Variants in TPO observed in about 807,000 individuals in gnomAD.
TPO encodes the protein thyroid microsomal antigen.
A neutral mutation model predicts 96.9 loss-of-function variants in TPO; 78 were observed. The ratio of observed to expected loss-of-function variants is 0.81; its 90% CI spans 0.67 to 0.97. The LOEUF is 0.97. Among genes scored for constraint, TPO ranks in the 50% least tolerant of loss-of-function variants. The pLI, the probability that TPO is intolerant of heterozygous loss-of-function variation, is 0.00. For synonymous variants in TPO, 547 were observed against 538.0 expected, an observed-to-expected ratio of 1.02 and a Z score of -0.23; for missense variants, 1,252 against 1,274.8, an observed-to-expected ratio of 0.98 and a Z score of 0.27.
intron 16 of TPO, 100 bp downstream of exon 16, chr2:1,540,823 T>C (rs1421050754): frequency 1.0e-5 from 16 of 1,599,250 alleles, no homozygotes; most frequent in African/African-American, 2.7e-5. Flanking sequence ...CATATTTCTG[T>C]TTACTCCGTG....
chr2:1,516,274 C>T (rs1386405738), intron 14 of TPO, among the ~76,000 whole-genome samples: 2 of 152,188 alleles, frequency 1.3e-5, no homozygotes, highest in African/African-American at 2.4e-5. Context: ...CAACCTTGTT[C>T]GGTTTCTTTC....
At chr2:1,376,982 A>G (rs1022247244) in intron 1 of TPO, among the ~76,000 whole-genome samples, 2 of 152,190 alleles carry the variant, frequency 1.3e-5, no homozygotes, top group African/African-American at 4.8e-5. Flanking sequence ...ATATTTGGCA[A>G]AGACAAAATA....
intron 16 of TPO, chr2:1,541,442 C>T (rs551930454): frequency 3.5e-4 from 56 of 159,154 alleles, no homozygotes; most frequent in Middle Eastern, 6.7e-3. Flanking sequence ...ACTGCAGCTT[C>T]GACCCTCCTG....
chr2:1,375,285 G>A (rs568761490), intron 1 of TPO, among the ~76,000 whole-genome samples: 17 of 152,178 alleles, frequency 1.1e-4, no homozygotes, highest in African/African-American at 2.4e-4. Flanking sequence ...CACCTTGGTC[G>A]TGAAAGGGAG....
At chr2:1,457,473 T>C (rs28378083) in intron 7 of TPO, among the ~76,000 whole-genome samples, 4,837 of 12,240 alleles carry the variant, frequency 0.4, 1,711 homozygotes, top group South Asian at 0.73. Context: ...ATATAGCATG[T>C]ATGATCGTGT....
intron 1 of TPO, among the ~76,000 whole-genome samples, chr2:1,385,025 C>T (rs1317357470): frequency 3.3e-5 from 5 of 152,156 alleles, no homozygotes; most frequent in Admixed American, 6.5e-5. Flanking sequence ...TATTGATTTG[C>T]GTATGTTGAA....
rs192764250 is a variant in TPO, at chr2:1,443,642, G to A, written c.482+7258G>A. ...TGTTGGAAGGGAACGGGGCAGGCTC[G>A]TTCTTGTTTGTATGATCCAGTCACT... is the stretch of plus-strand genomic sequence containing the variant. On this transcript the variant is annotated intron_variant, in intron 5 of 16. Coordinates refer to ENST00000329066, the MANE Select transcript of TPO (RefSeq NM_001206744.2). Among the ~76,000 whole-genome samples the A allele has an allele frequency of 1.4e-3, 154 of 108,138 alleles. 4 individuals are homozygous for A. Among genetic ancestry groups the A allele is most frequent in the African/African-American group, 5.4e-3 (145 of 27,012 alleles). The allele number at this position is 108,138 out of a possible 152,430, so 70.9% of individuals were successfully genotyped here.
chr2:1,531,931 AC>A (rs1678354912), intron 15 of TPO, among the ~76,000 whole-genome samples: 1 of 59,166 alleles, frequency 1.7e-5, no homozygotes. Flanking sequence ...ACTGTGTGCA[AC>A]CTCCTCAAAT....
intron 5 of TPO, among the ~76,000 whole-genome samples, chr2:1,443,268 G>A (rs57927525): frequency 0.3 from 44,104 of 149,330 alleles, 5,884 homozygotes; most frequent in Admixed American, 0.34. Context: ...TCCAGTCATT[G>A]CTGCAGGAGG....
At chr2:1,528,557 G>T (rs1323740570) in intron 15 of TPO, among the ~76,000 whole-genome samples, 1 of 137,074 alleles carries the variant, frequency 7.3e-6, no homozygotes, top group Non-Finnish European at 1.5e-5. Flanking sequence ...CCCACTCTTT[G>T]CAAACTCCCC....
chr2:1,436,111 G>T, intron 4 of TPO, 141 bp from the exon 5 acceptor site: 1 of 1,296,720 alleles, frequency 7.7e-7, no homozygotes, highest in Non-Finnish European at 1.1e-6. Flanking sequence ...GGAGAAGGCA[G>T]ATTTTCTCAA....
At chr2:1,400,143 G>C (rs1390111517) in intron 1 of TPO, among the ~76,000 whole-genome samples, 3 of 152,110 alleles carry the variant, frequency 2.0e-5, no homozygotes, top group Non-Finnish European at 4.4e-5. Context: ...CAAAGATAGG[G>C]GAGAGGCTCC....
chr2:1,394,587 C>T (rs919599158), intron 1 of TPO, among the ~76,000 whole-genome samples: 4 of 152,148 alleles, frequency 2.6e-5, no homozygotes, highest in Admixed American at 6.6e-5. Context: ...GAAAGTGTGT[C>T]TCCCAGGCCA....
chr2:1,424,484 C>T (rs1385327063), intron 3 of TPO, among the ~76,000 whole-genome samples: 1 of 152,164 alleles, frequency 6.6e-6, no homozygotes, highest in Admixed American at 6.5e-5. Context: ...GTGGGATCCA[C>T]TCAGGTGGTT....
intron 10 of TPO, among the ~76,000 whole-genome samples, chr2:1,491,966 C>A (rs973310580): frequency 3.3e-5 from 5 of 152,112 alleles, no homozygotes; most frequent in African/African-American, 1.2e-4. Context: ...CAGCTTCTCA[C>A]GGGGGCTCGG....
At chr2:1,439,034 C>CA (rs1461708378) in intron 5 of TPO, 76 of 544,558 alleles carry the variant, frequency 1.4e-4, no homozygotes, top group South Asian at 5.1e-4. Context: ...CATGATCACT[C>CA]AAAAAAAACT....
At chr2:1,448,385 C>T (rs548054185) in intron 5 of TPO, among the ~76,000 whole-genome samples, 59 of 152,320 alleles carry the variant, frequency 3.9e-4, no homozygotes, top group Middle Eastern at 3.4e-3. Context: ...CCTCCCGACC[C>T]GAGGGTCGGC....
At chr2:1,484,575 A>G (rs1391652626) in intron 8 of TPO, 21 bp from the exon 9 acceptor site, 1 of 1,613,902 alleles carries the variant, frequency 6.2e-7, no homozygotes, top group Non-Finnish European at 8.5e-7. Context: ...CCTCACTGAG[A>G]TGCTTTTCCT....
intron 7 of TPO, among the ~76,000 whole-genome samples, chr2:1,464,745 T>C (rs1219388731): frequency 6.6e-6 from 1 of 152,142 alleles, no homozygotes; most frequent in Non-Finnish European, 1.5e-5. Flanking sequence ...TTTGATGGGA[T>C]TGTTTGGTTT....
Sources: gnomAD v4.1 joint callset for allele counts (sites outside exome capture counted in the v4.1 genomes callset) on GRCh38, gnomAD v4.1.1 for gene constraint, MANE v1.5 for transcripts, NCBI Gene and HGNC (gene_info 2026-07-23, HGNC 2026-07-21) for gene names.